RALYL: variants seen among roughly 807,000 people sequenced by gnomAD.
The protein encoded by RALYL is RNA-binding Raly-like protein.
A neutral mutation model predicts 35.1 loss-of-function variants in RALYL; 29 were observed. That is an observed-to-expected ratio of 0.83 (90% confidence interval 0.61 to 1.13). The LOEUF is 1.13. RALYL is among the 50% of genes most tolerant of loss of function. The probability of loss-of-function intolerance (pLI) is 0.00; values close to 1 mark genes in which losing one functional copy is unlikely to be tolerated. For synonymous variants in RALYL, 120 were observed against 127.6 expected, an observed-to-expected ratio of 0.94 and a Z score of 0.40; for missense variants, 359 against 360.4, an observed-to-expected ratio of 1.00 and a Z score of 0.03.
intron 1 of RALYL, among the ~76,000 whole-genome samples, chr8:84,368,623 C>G (rs938753926): frequency 8.5e-5 from 13 of 152,270 alleles, no homozygotes; most frequent in African/African-American, 3.1e-4. Context: ...TGGCAGCAGA[C>G]AAGATAAGAG....
At chr8:84,598,184 A>C (rs1456870849) in intron 2 of RALYL, among the ~76,000 whole-genome samples, 1 of 152,056 alleles carries the variant, frequency 6.6e-6, no homozygotes, top group Non-Finnish European at 1.5e-5. Context: ...ATTTATTTTT[A>C]GGGGCAGGGT....
intron 1 of RALYL, among the ~76,000 whole-genome samples, chr8:84,524,516 TGTAA>T (rs2058726552): frequency 6.6e-6 from 1 of 152,146 alleles, no homozygotes; most frequent in Admixed American, 6.5e-5. Flanking sequence ...TTTTATACAA[TGTAA>T]GTGTCTTAGT....
intron 2 of RALYL, among the ~76,000 whole-genome samples, chr8:84,725,092 A>G (rs1363156754): frequency 6.6e-6 from 1 of 151,564 alleles, no homozygotes; most frequent in Non-Finnish European, 1.5e-5. Context: ...ATATTGTATA[A>G]TTTTTCTACT....
Position 84,887,653 on chromosome 8 carries a change from A to T in RALYL, c.735A>T (p.Glu245Asp), listed in dbSNP as rs761216910. Reference sequence around the variant, plus strand: ...AGAGTCTAGTGCTGATCCAAGAGGAATGTGTGTCAGAGATTGCAGATCACT... The same window carrying T: ...AGAGTCTAGTGCTGATCCAAGAGGATTGTGTGTCAGAGATTGCAGATCACT... Reference protein sequence around the residue: ...LEESLVLIQEECVSEIADHST... With the variant: ...LEESLVLIQEDCVSEIADHST... The change falls in exon 8 of 9, where the codon GAA (glutamate) becomes GAT (aspartate). Residue 245 changes from glutamate to aspartate, a missense_variant. Transcript: ENST00000521268. 6.2e-7 allele frequency: 1 copy of T among 1,613,458 alleles called. No individual in the cohort carries two copies. The highest frequency in any genetic ancestry group is 1.1e-5 in the South Asian group (1 of 91,050).
rs113428985 is a variant in RALYL, at chr8:84,281,741, C to T, written c.-24+97317C>T. 3.2e-3 allele frequency among the ~76,000 whole-genome samples: 473 copies of T among 146,136 alleles called. 5 individuals are homozygous for T. Among genetic ancestry groups the T allele is most frequent in the African/African-American group, 0.011 (458 of 41,002 alleles). On this transcript the variant is annotated intron_variant, in intron 1 of 8. Transcript: ENST00000521268. ...TGCACGCATGTATATATGTAATCTC[C>T]AAGTGTATGTGTGTGTGCACCCATG...
At chr8:84,828,408 C>A in intron 4 of RALYL, among the ~76,000 whole-genome samples, 1 of 151,734 alleles carries the variant, frequency 6.6e-6, no homozygotes, top group Admixed American at 6.6e-5. Flanking sequence ...TCCCATCAGC[C>A]CAAGGTAATC....
chr8:84,227,412 G>T (rs1824206682), intron 1 of RALYL, among the ~76,000 whole-genome samples: 1 of 152,086 alleles, frequency 6.6e-6, no homozygotes, highest in South Asian at 2.1e-4. Context: ...GAAAGCCACT[G>T]TTCTAGGTGA....
At chr8:84,345,146 A>G (rs1849604520) in intron 1 of RALYL, among the ~76,000 whole-genome samples, 1 of 145,322 alleles carries the variant, frequency 6.9e-6, no homozygotes, top group African/African-American at 2.6e-5. Context: ...CATAATGGCC[A>G]TACTATTTTA....
rs1256885409 is a variant in RALYL at position 84,889,912 on chromosome 8, G to A, written c.858+2136G>A. On this transcript the variant is annotated intron_variant, in intron 8 of 8. Transcript: ENST00000521268. ...AAAGTTAGTTACAACTCCACAACAA[G>A]TACCATGACCCAAGCCACGATCCCT... 3.3e-5 allele frequency among the ~76,000 whole-genome samples: 5 copies of A among 152,142 alleles called. No homozygotes were observed. In the South Asian group the frequency reaches 1.0e-3, roughly 32 times the overall value.
intron 1 of RALYL, among the ~76,000 whole-genome samples, chr8:84,448,934 G>A (rs1447605805): frequency 6.6e-6 from 1 of 151,986 alleles, no homozygotes; most frequent in Non-Finnish European, 1.5e-5. Context: ...GTCAGAATCT[G>A]CAGCCTGATT....
chr8:84,739,509 A>G (rs1251049431), intron 2 of RALYL, among the ~76,000 whole-genome samples: 1 of 151,922 alleles, frequency 6.6e-6, no homozygotes, highest in Non-Finnish European at 1.5e-5. Context: ...TGAAGAAAAT[A>G]GTACCAATTG....
intron 2 of RALYL, among the ~76,000 whole-genome samples, chr8:84,611,369 A>C (rs2130882896): frequency 6.6e-6 from 1 of 152,218 alleles, no homozygotes; most frequent in South Asian, 2.1e-4. Flanking sequence ...TAGCATTATA[A>C]CCATCCCATT....
At chr8:84,691,841 T>C (rs192450130) in intron 2 of RALYL, among the ~76,000 whole-genome samples, 2 of 152,086 alleles carry the variant, frequency 1.3e-5, no homozygotes, top group East Asian at 1.9e-4. Flanking sequence ...ACAAAAATCC[T>C]AAACAAGAGC....
At chr8:84,279,398 T>G (rs761094472) in intron 1 of RALYL, among the ~76,000 whole-genome samples, 6 of 152,186 alleles carry the variant, frequency 3.9e-5, no homozygotes, top group Non-Finnish European at 8.8e-5. Flanking sequence ...TTAAAGAGTT[T>G]TTATTCAAAA....
chr8:84,920,664 T>C (rs994171271), intron 8 of RALYL, among the ~76,000 whole-genome samples: 2 of 151,190 alleles, frequency 1.3e-5, no homozygotes, highest in Non-Finnish European at 2.9e-5. Context: ...GGCAATAAAT[T>C]AGCTGGATTA....
intron 4 of RALYL, among the ~76,000 whole-genome samples, chr8:84,835,295 A>C (rs528706096): frequency 3.3e-5 from 5 of 152,174 alleles, no homozygotes; most frequent in Non-Finnish European, 7.3e-5. Flanking sequence ...ATCAAAGAAT[A>C]GCACAGAAAG....
At chr8:84,259,969 G>T (rs1241599420) in intron 1 of RALYL, among the ~76,000 whole-genome samples, 1 of 152,108 alleles carries the variant, frequency 6.6e-6, no homozygotes, top group Non-Finnish European at 1.5e-5. Context: ...TCCCTGGAAA[G>T]GCTAAAGATA....
chr8:84,602,486 T>A (rs1816190668), intron 2 of RALYL, among the ~76,000 whole-genome samples: 1 of 152,138 alleles, frequency 6.6e-6, no homozygotes, highest in Non-Finnish European at 1.5e-5. Flanking sequence ...CTCAGTTCTC[T>A]CATTCCAGTC....
chr8:84,216,957 C>T (rs1820976937), intron 1 of RALYL, among the ~76,000 whole-genome samples: 1 of 152,092 alleles, frequency 6.6e-6, no homozygotes, highest in African/African-American at 2.4e-5. Context: ...ATGCTCTGTT[C>T]CTTTCCTGAG....
Sources: gnomAD v4.1 joint callset for allele counts (sites outside exome capture counted in the v4.1 genomes callset) on GRCh38, gnomAD v4.1.1 for gene constraint, MANE v1.5 for transcripts, NCBI Gene and HGNC (gene_info 2026-07-23, HGNC 2026-07-21) for gene names.